Variants in B3GLCT observed in about 807,000 individuals in gnomAD.
B3GLCT encodes beta-1,3-glucosyltransferase.
A neutral mutation model predicts 63.4 loss-of-function variants in B3GLCT; 65 were observed. The observed-to-expected ratio is 1.03, with a 90% confidence interval of 0.84 to 1.26. The LOEUF is 1.26. Among genes scored for constraint, B3GLCT ranks in the 50% most tolerant of loss-of-function variants. The pLI, the probability that B3GLCT is intolerant of heterozygous loss-of-function variation, is 0.00. For synonymous variants in B3GLCT, 233 were observed against 219.2 expected (o/e 1.06, Z -0.55); for missense variants, 577 against 604.8 (o/e 0.95, Z 0.48).
intron 14 of B3GLCT, among the ~76,000 whole-genome samples, chr13:31,325,390 A>G (rs1212476446): frequency 3.3e-5 from 5 of 152,220 alleles, no homozygotes; most frequent in African/African-American, 1.2e-4. Flanking sequence ...TAAAAGGGGT[A>G]ATTAAAACTG....
Position 31,331,741 on chromosome 13 carries a change from C to G in B3GLCT, c.*2073C>G, listed in dbSNP as rs1224169077. 3.9e-5 allele frequency: 6 copies of G among 152,160 alleles called. No individual in the cohort carries two copies. Among genetic ancestry groups the G allele is most frequent in the Admixed American group, 3.9e-4 (6 of 15,278 alleles). 9.4% of individuals were successfully genotyped at this position (152,160 alleles called of 1,614,324 possible). A position where few individuals can be genotyped will look rare whatever the true frequency, so the allele number is the denominator to read the frequency against. ...AAAGCCATTGTGTTTTGTTATATAA[C>G]AAATCAGAGATGTTATTTTAGAATC... On this transcript the variant is annotated 3_prime_UTR_variant, in exon 15 of 15. Transcript: ENST00000343307.
intron 6 of B3GLCT, among the ~76,000 whole-genome samples, chr13:31,255,023 CA>C (rs35227274): frequency 0.45 from 62,721 of 139,046 alleles, 14,282 homozygotes; most frequent in East Asian, 0.78. Flanking sequence ...GGTGACAGTG[CA>C]AAGACGCTGT....
At chr13:31,279,569 A>T (rs1872961311) in intron 10 of B3GLCT, among the ~76,000 whole-genome samples, 2 of 152,196 alleles carry the variant, frequency 1.3e-5, no homozygotes, top group Non-Finnish European at 2.9e-5. Flanking sequence ...CACAGAGATC[A>T]CTTGCTTCAC....
intron 10 of B3GLCT, among the ~76,000 whole-genome samples, chr13:31,277,372 A>ATC (rs1872846623): frequency 6.6e-6 from 1 of 151,632 alleles, no homozygotes; most frequent in Non-Finnish European, 1.5e-5. Context: ...GAATTCTGCT[A>ATC]AGTTGTGACG....
intron 1 of B3GLCT, among the ~76,000 whole-genome samples, chr13:31,211,589 G>GT (rs1243817859): frequency 0.011 from 1,527 of 142,742 alleles, 7 homozygotes; most frequent in Non-Finnish European, 0.012. Flanking sequence ...TTTGGTTTGG[G>GT]TTTTTTTTTT....
intron 1 of B3GLCT, among the ~76,000 whole-genome samples, chr13:31,211,361 A>C (rs1216355458): frequency 6.6e-6 from 1 of 152,142 alleles, no homozygotes; most frequent in Non-Finnish European, 1.5e-5. Context: ...GTGCCACTGC[A>C]CTCCACTCTG....
At chr13:31,216,043 A>G (rs1276951398) in intron 2 of B3GLCT, among the ~76,000 whole-genome samples, 1 of 152,248 alleles carries the variant, frequency 6.6e-6, no homozygotes, top group Non-Finnish European at 1.5e-5. Flanking sequence ...CATGTAAAAA[A>G]GGAAACAGTA....
chr13:31,247,623 A>G (rs1871254187), intron 5 of B3GLCT, among the ~76,000 whole-genome samples: 1 of 152,196 alleles, frequency 6.6e-6, no homozygotes, highest in African/African-American at 2.4e-5. Context: ...GATATTTGAA[A>G]ATTATTTATC....
chr13:31,219,923 T>G (rs190177867), intron 2 of B3GLCT, among the ~76,000 whole-genome samples: 1 of 152,320 alleles, frequency 6.6e-6, no homozygotes, highest in Non-Finnish European at 1.5e-5. Flanking sequence ...GTGCCAATAT[T>G]ATTGAGCATT....
At chr13:31,282,758 T>G (rs576880029) in intron 10 of B3GLCT, among the ~76,000 whole-genome samples, 5 of 152,154 alleles carry the variant, frequency 3.3e-5, no homozygotes, top group African/African-American at 1.2e-4. Flanking sequence ...TCTTAGTATA[T>G]CTAAATGGTT....
chr13:31,220,972 C>T (rs1380887886), intron 2 of B3GLCT, among the ~76,000 whole-genome samples: 1 of 152,194 alleles, frequency 6.6e-6, no homozygotes, highest in East Asian at 1.9e-4. Flanking sequence ...AATCTATTCA[C>T]ATCTAATGAT....
intron 12 of B3GLCT, among the ~76,000 whole-genome samples, chr13:31,293,096 C>T (rs1873762711): frequency 6.6e-6 from 1 of 152,198 alleles, no homozygotes; most frequent in Admixed American, 6.5e-5. Flanking sequence ...TGTTCAGTTT[C>T]CATGCAGTTT....
intron 1 of B3GLCT, among the ~76,000 whole-genome samples, chr13:31,200,589 C>T (rs952230070): frequency 2.6e-5 from 4 of 151,370 alleles, no homozygotes; most frequent in African/African-American, 9.7e-5. Flanking sequence ...CCGCGCTCCG[C>T]CGTCCTGCGC....
chr13:31,232,759 T>C (rs1870447120), intron 4 of B3GLCT, among the ~76,000 whole-genome samples: 1 of 152,250 alleles, frequency 6.6e-6, no homozygotes, highest in African/African-American at 2.4e-5. Context: ...TCCACTTTTG[T>C]ATCTTGGACA....
intron 6 of B3GLCT, among the ~76,000 whole-genome samples, chr13:31,253,542 T>G (rs9572639): frequency 0.64 from 90,400 of 140,192 alleles, 29,476 homozygotes; most frequent in East Asian, 0.99. Flanking sequence ...GCAGCAGTTG[T>G]CTGAGATTGT....
At chr13:31,322,764 T>TA (rs1875395202) in intron 13 of B3GLCT, among the ~76,000 whole-genome samples, 1 of 152,214 alleles carries the variant, frequency 6.6e-6, no homozygotes, top group Non-Finnish European at 1.5e-5. Flanking sequence ...TTTCTCATTT[T>TA]ACTAGATGCT....
chr13:31,290,670 G>A (rs984828403), intron 12 of B3GLCT, among the ~76,000 whole-genome samples: 14 of 152,146 alleles, frequency 9.2e-5, no homozygotes, highest in Middle Eastern at 3.2e-3. Context: ...TTTGAGAAGC[G>A]TCTGTTCATA....
At chr13:31,222,228 G>A (rs985539891) in intron 2 of B3GLCT, among the ~76,000 whole-genome samples, 3 of 150,912 alleles carry the variant, frequency 2.0e-5, no homozygotes, top group African/African-American at 7.4e-5. Context: ...ACAGGCGCCT[G>A]CCATCATGCC....
chr13:31,242,730 T>A (rs956895282), intron 4 of B3GLCT, among the ~76,000 whole-genome samples: 1 of 152,236 alleles, frequency 6.6e-6, no homozygotes, highest in African/African-American at 2.4e-5. Context: ...ATATGAGCTA[T>A]AAAATGGACG....
Sources: allele counts gnomAD v4.1 joint callset (sites outside exome capture counted in the v4.1 genomes callset), GRCh38; gene constraint gnomAD v4.1.1; transcripts MANE v1.5; gene names NCBI Gene and HGNC (gene_info 2026-07-23, HGNC 2026-07-21).